THADA: variants seen among roughly 807,000 people sequenced by gnomAD.
The protein encoded by THADA is THADA armadillo repeat containing, also known as tRNA (32-2'-O)-methyltransferase regulator THADA.
In THADA, 213 loss-of-function variants were observed where a neutral mutation model predicts 219.8. That is an observed-to-expected ratio of 0.97 (90% CI 0.87 to 1.09). THADA has a LOEUF of 1.09. Ranked by LOEUF, THADA falls within the 50% of genes least tolerant of loss-of-function variation. The pLI, the probability that THADA is intolerant of heterozygous loss-of-function variation, is 0.00. For missense variants in THADA, 2,956 were observed against 2,311.3 expected (o/e 1.28, Z -5.72); for synonymous variants, 1,018 against 828.9 (o/e 1.23, Z -3.92).
At chr2:43,501,307 C>CAAAA (rs60448094) in intron 24 of THADA, among the ~76,000 whole-genome samples, 366 of 15,044 alleles carry the variant, frequency 0.024, 60 homozygotes, top group Non-Finnish European at 0.036. Context: ...ACTCCAACTC[C>CAAAA]AAAAAAAAAA....
intron 29 of THADA, among the ~76,000 whole-genome samples, chr2:43,372,607 G>A (rs965361721): frequency 3.3e-5 from 5 of 152,164 alleles, no homozygotes; most frequent in African/African-American, 1.2e-4. Flanking sequence ...ACAGCCAACA[G>A]AGGGGGTTTC....
intron 21 of THADA, among the ~76,000 whole-genome samples, chr2:43,536,956 ATAAAG>A (rs1354274098): frequency 6.6e-6 from 1 of 152,210 alleles, no homozygotes. Context: ...ATTTTATACT[ATAAAG>A]TAGTGAGCCT....
intron 31 of THADA, among the ~76,000 whole-genome samples, chr2:43,314,247 G>A (rs11897732): frequency 0.5 from 76,176 of 151,894 alleles, 19,576 homozygotes; most frequent in Middle Eastern, 0.66. Context: ...CATTTCTTTA[G>A]GATTAATCAA....
In THADA at chr2:43,270,519, C is replaced by T. The variant is rs188078079; in HGVS notation, c.5296+9246G>A. 2.0e-5 allele frequency among the ~76,000 whole-genome samples: 3 copies of T among 152,274 alleles called. No individual in the cohort carries two copies. In the East Asian group the frequency reaches 5.8e-4, roughly 29 times the overall value. ...TTCAATGCACCCCTTTCTCTTAACT[C>T]CTGGGTTCTAAACTAGATGCCAGGT... On this transcript the variant is annotated intron_variant, in intron 36 of 37. Coordinates refer to ENST00000405975, the MANE Select transcript of THADA (RefSeq NM_022065.5).
At chr2:43,512,722 G>A (rs1057035337) in intron 22 of THADA, among the ~76,000 whole-genome samples, 6 of 152,086 alleles carry the variant, frequency 3.9e-5, no homozygotes, top group East Asian at 3.9e-4. Flanking sequence ...GGCTGATCTC[G>A]AACTCCCAAC....
At chr2:43,432,104 CCTCGGCCTCCCAAAGTGCTGGG>C (rs1362346844) in intron 26 of THADA, among the ~76,000 whole-genome samples, 8 of 138,738 alleles carry the variant, frequency 5.8e-5, no homozygotes, top group African/African-American at 2.5e-4. Flanking sequence ...GATCCGCCCG[CCTCGGCCTCCCAAAGTGCTGGG>C]ATTACAGGCG....
At chr2:43,564,635 T>C (rs982261752) in intron 15 of THADA, 2 of 152,226 alleles carry the variant, frequency 1.3e-5, no homozygotes, top group Non-Finnish European at 2.9e-5. Context: ...AAAGATTTGA[T>C]GTGGATGTGT....
At chr2:43,307,266 C>T (rs1053714025) in intron 31 of THADA, among the ~76,000 whole-genome samples, 1 of 152,178 alleles carries the variant, frequency 6.6e-6, no homozygotes, top group South Asian at 2.1e-4. Context: ...GGTCTTGGCT[C>T]AGTTGAAACG....
At chr2:43,550,963 T>A (rs921518346) in intron 19 of THADA, among the ~76,000 whole-genome samples, 1 of 152,184 alleles carries the variant, frequency 6.6e-6, no homozygotes, top group African/African-American at 2.4e-5. Flanking sequence ...AAAAAAAAAT[T>A]AATTAAATAA....
In THADA at chr2:43,560,230, A is replaced by T. The variant is rs1312828625; in HGVS notation, c.2463+4T>A. 6.2e-7 allele frequency: 1 copy of T among 1,609,212 alleles called. No homozygotes were observed. Among genetic ancestry groups the T allele is most frequent in the Admixed American group, 1.7e-5 (1 of 59,020 alleles). ...CCACATTTATACTAGAAAAGTCCTG[A>T]TACCTGAAAATGTACAGCTGTTTTT... On this transcript the variant is annotated splice_donor_region_variant and intron_variant, in intron 16 of 37. Coordinates refer to ENST00000405975, the MANE Select transcript of THADA (RefSeq NM_022065.5).
At chr2:43,406,064 A>G (rs1675492626) in intron 28 of THADA, among the ~76,000 whole-genome samples, 1 of 152,220 alleles carries the variant, frequency 6.6e-6, no homozygotes, top group Non-Finnish European at 1.5e-5. Context: ...GTGAAATGTC[A>G]GCTGCTGGGA....
intron 29 of THADA, among the ~76,000 whole-genome samples, chr2:43,390,359 G>C (rs1251021894): frequency 1.3e-5 from 2 of 152,148 alleles, no homozygotes; most frequent in African/African-American, 4.8e-5. Flanking sequence ...TATGGGTAAA[G>C]ATAGTCTCAA....
Position 43,379,816 on chromosome 2 carries a change from T to TA in THADA, c.4227+18154dup, listed in dbSNP as rs1180341062. ...GATGTCCTTCAACAGGTGAACAGGGTAAACAAACTTGGTATATCCATAAAA... is the reference window on the plus strand; with the variant it reads ...GATGTCCTTCAACAGGTGAACAGGGTAAAACAAACTTGGTATATCCATAAAA... On this transcript the variant is annotated intron_variant, in intron 29 of 37. Transcript: ENST00000405975. 2.0e-5 allele frequency among the ~76,000 whole-genome samples: 3 copies of TA among 152,190 alleles called. 1 individual carries two copies. The highest frequency in any genetic ancestry group is 7.2e-5 in the African/African-American group (3 of 41,438).
chr2:43,389,646 T>C (rs1446106772), intron 29 of THADA, among the ~76,000 whole-genome samples: 1 of 152,148 alleles, frequency 6.6e-6, no homozygotes, highest in Non-Finnish European at 1.5e-5. Context: ...TCACACATCC[T>C]CTCTCCTTGA....
At chr2:43,310,017 G>A (rs1368337237) in intron 31 of THADA, among the ~76,000 whole-genome samples, 2 of 152,166 alleles carry the variant, frequency 1.3e-5, no homozygotes, top group Non-Finnish European at 2.9e-5. Flanking sequence ...TGTGCATGAA[G>A]TATATGTGCA....
At chr2:43,447,126 G>T (rs928993184) in intron 26 of THADA, among the ~76,000 whole-genome samples, 1 of 152,138 alleles carries the variant, frequency 6.6e-6, no homozygotes, top group African/African-American at 2.4e-5. Context: ...TCACAGGGCA[G>T]CAGGAGAGAG....
chr2:43,546,015 C>T (rs927929561), intron 20 of THADA, among the ~76,000 whole-genome samples: 1 of 150,764 alleles, frequency 6.6e-6, no homozygotes, highest in African/African-American at 2.5e-5. Context: ...GCATTTAGTG[C>T]TACAAATTTC....
intron 37 of THADA, 26 bp downstream of exon 37, chr2:43,232,687 C>G (rs1558439263): frequency 1.9e-6 from 3 of 1,612,112 alleles, no homozygotes; most frequent in Non-Finnish European, 2.5e-6. Flanking sequence ...ACCCTGCCTC[C>G]TACTCCCCTG....
At chr2:43,445,362 A>T (rs1368727309) in intron 26 of THADA, among the ~76,000 whole-genome samples, 1 of 152,212 alleles carries the variant, frequency 6.6e-6, no homozygotes, top group Non-Finnish European at 1.5e-5. Flanking sequence ...ATCCTCTCAG[A>T]TTCTGTTCTT....
Sources: allele counts gnomAD v4.1 joint callset (sites outside exome capture counted in the v4.1 genomes callset), GRCh38; gene constraint gnomAD v4.1.1; transcripts MANE v1.5; gene names NCBI Gene and HGNC (gene_info 2026-07-23, HGNC 2026-07-21).